The following ARMH3 variants were observed in gnomAD, a reference collection of about 807,000 sequenced individuals.
ARMH3 encodes armadillo-like helical domain-containing protein 3.
In ARMH3, 60 loss-of-function variants were observed where a neutral mutation model predicts 99.1. That is an observed-to-expected ratio of 0.61 (90% CI 0.49 to 0.75). The LOEUF (loss-of-function observed/expected upper bound fraction) is 0.75. Among genes scored for constraint, ARMH3 ranks in the 30% least tolerant of loss-of-function variants. The pLI is 0.00. For synonymous variants in ARMH3, 285 were observed against 292.8 expected, an observed-to-expected ratio of 0.97 and a Z score of 0.27; for missense variants, 679 against 843.1, an observed-to-expected ratio of 0.81 and a Z score of 2.41.
intron 19 of ARMH3, among the ~76,000 whole-genome samples, chr10:101,980,943 G>A (rs1846200372): frequency 6.6e-6 from 1 of 151,960 alleles, no homozygotes; most frequent in African/African-American, 2.4e-5. Context: ...ATCATCCTCA[G>A]CAAACTAACA....
Position 101,849,862 on chromosome 10 carries a change from T to G in ARMH3, c.1891A>C (p.Thr631Pro). The G allele has an allele frequency of 1.2e-6, 2 of 1,614,038 alleles. No homozygotes were observed. Among genetic ancestry groups the G allele is most frequent in the Non-Finnish European group, 1.7e-6 (2 of 1,179,984 alleles). Residue 631 changes from threonine to proline, a missense_variant, in exon 25 of 26, where the codon ACG (threonine) becomes CCG (proline). By Grantham distance (38) the Thr-to-Pro change is conservative (BLOSUM62 -1). This residue lies in a region of ARMH3 where 389 missense variants were observed against 456.5 expected (regional missense o/e 0.85). Coordinates refer to ENST00000370033, the MANE Select transcript of ARMH3 (RefSeq NM_024541.3). Reference sequence around the variant, plus strand: ...CCATCCTGCAGCTTCAGCGTGAGCGTGTCATAGTTGGCTCTCACCACCTCC... The same window carrying G: ...CCATCCTGCAGCTTCAGCGTGAGCGGGTCATAGTTGGCTCTCACCACCTCC... ...VLEVVRANYD[T>P]LTLKLQDGLD...
In ARMH3 at chr10:102,040,128, G is replaced by A. The variant is rs1006016801; in HGVS notation, c.-11-3C>T. 16 of 1,607,640 alleles carry A rather than the reference G, an allele frequency of 1.0e-5. No homozygotes were observed. The highest frequency in any genetic ancestry group is 1.4e-5 in the Non-Finnish European group (16 of 1,174,208). ...TACCTGTGCCATGGTTAGAGAATCT[G>A]TGAACAGAAAGTCACATTTTAGAAT... On this transcript the variant is annotated splice_region_variant and splice_polypyrimidine_tract_variant and intron_variant, in intron 1 of 25. Coordinates refer to ENST00000370033, the MANE Select transcript of ARMH3 (RefSeq NM_024541.3).
chr10:102,023,556 G>T lies in ARMH3; in HGVS notation c.590C>A (p.Ser197Tyr). 6.2e-7 allele frequency: 1 copy of T among 1,613,984 alleles called. No individual in the cohort carries two copies. The highest frequency in any genetic ancestry group is 8.5e-7 in the Non-Finnish European group (1 of 1,179,934). The change falls in exon 8 of 26, where the codon TCC becomes TAC. Residue 197 changes from serine (S) to tyrosine (Y), a missense_variant. Physicochemically the swap from Ser to Tyr is moderately radical, Grantham distance 144 (BLOSUM62 -2). Around this residue, in one of 3 missense-constraint regions of ARMH3, gnomAD observed 280 missense variants for 354.6 expected, o/e 0.79. Coordinates refer to ENST00000370033, the MANE Select transcript of ARMH3 (RefSeq NM_024541.3). Reference sequence around the variant, plus strand: ...ATGCTCCCTACGACTTGGGGGATGGGAAAGTATCTGTAACAAGAACCAAAA... The same window carrying T: ...ATGCTCCCTACGACTTGGGGGATGGTAAAGTATCTGTAACAAGAACCAAAA... Reference protein sequence around the residue: ...SIFEAILQILSHPPSRREHGY... With the variant: ...SIFEAILQILYHPPSRREHGY...
At chr10:101,869,372 A>T (rs2067081790) in intron 24 of ARMH3, among the ~76,000 whole-genome samples, 1 of 152,184 alleles carries the variant, frequency 6.6e-6, no homozygotes, top group African/African-American at 2.4e-5. Context: ...CCATAAAGCA[A>T]CTCTCAATAA....
At chr10:101,969,421 A>G (rs1164487753) in intron 20 of ARMH3, among the ~76,000 whole-genome samples, 3 of 152,264 alleles carry the variant, frequency 2.0e-5, no homozygotes, top group Non-Finnish European at 4.4e-5. Flanking sequence ...ACTGCCAGAT[A>G]AATCTATGGC....
At chr10:102,037,747 C>A in intron 2 of ARMH3, among the ~76,000 whole-genome samples, 1 of 152,094 alleles carries the variant, frequency 6.6e-6, no homozygotes, top group Middle Eastern at 3.4e-3. Flanking sequence ...ATACATACCA[C>A]TACACCCACT....
chr10:101,858,767 C>T (rs770227760), intron 24 of ARMH3, among the ~76,000 whole-genome samples: 4 of 152,122 alleles, frequency 2.6e-5, no homozygotes, highest in South Asian at 2.1e-4. Flanking sequence ...CATGCCATTA[C>T]GACTGATTTC....
chr10:101,848,198 C>A (rs1325183326), intron 25 of ARMH3, among the ~76,000 whole-genome samples: 1 of 152,194 alleles, frequency 6.6e-6, no homozygotes, highest in African/African-American at 2.4e-5. Context: ...AGCTTGGGAG[C>A]AGGGCCGAGG....
intron 20 of ARMH3, among the ~76,000 whole-genome samples, chr10:101,963,034 A>T (rs1345246316): frequency 6.8e-6 from 1 of 147,404 alleles, no homozygotes; most frequent in Non-Finnish European, 1.5e-5. Flanking sequence ...CAGTGGCATG[A>T]TCTTGTCCCA....
rs144728799 is a variant in ARMH3 at position 101,983,758 on chromosome 10, A to G, written c.1406+6793T>C. ...TCCAGACCCTTTCAGACCTCACCCT[A>G]TGTATCTCTTCATCTGACTGTTTAT... is the stretch of plus-strand genomic sequence containing the variant. On this transcript the variant is annotated intron_variant, in intron 19 of 25. Coordinates refer to ENST00000370033, the MANE Select transcript of ARMH3 (RefSeq NM_024541.3). Among the ~76,000 whole-genome samples the G allele has an allele frequency of 1.2e-3, 177 of 152,226 alleles. 1 individual carries two copies. The highest frequency in any genetic ancestry group is 3.9e-3 in the African/African-American group (164 of 41,524).
At chr10:101,861,941 C>A (rs1480431679) in intron 24 of ARMH3, among the ~76,000 whole-genome samples, 1 of 139,304 alleles carries the variant, frequency 7.2e-6, no homozygotes, top group African/African-American at 2.7e-5. Context: ...TCCCAGCACT[C>A]GGGAGGCTGA....
chr10:101,869,188 T>C (rs571814072), intron 24 of ARMH3, among the ~76,000 whole-genome samples: 42 of 152,230 alleles, frequency 2.8e-4, no homozygotes, highest in Admixed American at 1.8e-3. Flanking sequence ...TGCCTCTAAC[T>C]TGGGTGTTGT....
chr10:101,858,094 C>G (rs145225781), intron 24 of ARMH3, among the ~76,000 whole-genome samples: 2,157 of 152,338 alleles, frequency 0.014, 28 homozygotes, highest in Admixed American at 0.05. Context: ...ATTCTTCTTT[C>G]CCTAAAACCC....
At chr10:102,032,004 C>G (rs2067142922) in intron 4 of ARMH3, among the ~76,000 whole-genome samples, 1 of 152,206 alleles carries the variant, frequency 6.6e-6, no homozygotes, top group Admixed American at 6.5e-5. Flanking sequence ...TCCCAAAGTG[C>G]TCGGATTACA....
chr10:102,022,543 CAA>C lies in ARMH3; in HGVS notation c.669+932_669+933del, dbSNP rs1211298015. Among the ~76,000 whole-genome samples, 48 of 144,434 alleles carry C rather than the reference CAA, an allele frequency of 3.3e-4. No homozygotes were observed. In the Admixed American group the frequency reaches 3.4e-3, roughly 10 times the overall value. The allele number at this position is 144,434 out of a possible 152,430, so 94.8% of individuals were successfully genotyped here. A position where few individuals can be genotyped will look rare whatever the true frequency, so the allele number is the denominator to read the frequency against. The stretch of plus-strand genomic sequence containing the variant: ...CCCAGGTTCCTGTTTCCCCCACAAC[CAA>C]AAGACTGATTTACTGTGTCCAGGAT... On this transcript the variant is annotated intron_variant, in intron 8 of 25. Coordinates refer to ENST00000370033, the MANE Select transcript of ARMH3 (RefSeq NM_024541.3).
intron 1 of ARMH3, among the ~76,000 whole-genome samples, chr10:102,053,630 C>G (rs1378829607): frequency 6.6e-6 from 1 of 152,038 alleles, no homozygotes; most frequent in Non-Finnish European, 1.5e-5. Context: ...CTCTCCCAAG[C>G]AATGGCAGTA....
At chr10:102,038,183 C>T (rs2067323508) in intron 2 of ARMH3, among the ~76,000 whole-genome samples, 1 of 150,880 alleles carries the variant, frequency 6.6e-6, no homozygotes, top group African/African-American at 2.4e-5. Context: ...CAAGCTCCAC[C>T]TCCCTGGTTC....
chr10:101,954,193 A>G (rs1844926350), intron 22 of ARMH3, among the ~76,000 whole-genome samples: 1 of 152,222 alleles, frequency 6.6e-6, no homozygotes, highest in South Asian at 2.1e-4. Context: ...CCCTGTCTCA[A>G]GAAAGAACAA....
chr10:102,002,537 T>G (rs1415784210), intron 14 of ARMH3, among the ~76,000 whole-genome samples: 1 of 151,920 alleles, frequency 6.6e-6, no homozygotes, highest in Non-Finnish European at 1.5e-5. Flanking sequence ...TGAGAACAAG[T>G]CTTTAGGCTG....
Sources: gnomAD v4.1 joint callset for allele counts (sites outside exome capture counted in the v4.1 genomes callset) on GRCh38, gnomAD v4.1.1 for gene constraint, gnomAD v4.1.1 regional missense constraint, MANE v1.5 for transcripts, NCBI Gene and HGNC (gene_info 2026-07-23, HGNC 2026-07-21) for gene names.